The following WDR27 variants were observed in gnomAD, a reference collection of about 807,000 sequenced individuals.
The protein encoded by WDR27 is WD repeat-containing protein 27.
In WDR27, 100 loss-of-function variants were observed where a neutral mutation model predicts 114.4. The ratio of observed to expected loss-of-function variants is 0.87; its 90% confidence interval spans 0.74 to 1.03. The LOEUF is 1.03. Among genes scored for constraint, WDR27 ranks in the 50% least tolerant of loss-of-function variants. The pLI, the probability that WDR27 is intolerant of heterozygous loss-of-function variation, is 0.00. For synonymous variants in WDR27, 449 were observed against 423.1 expected (o/e 1.06, Z -0.75); for missense variants, 1,129 against 1,092.9 (o/e 1.03, Z -0.47).
intron 4 of WDR27, 68 bp downstream of exon 4, chr6:169,670,500 AG>A (rs1778424241): frequency 2.5e-6 from 4 of 1,583,848 alleles, no homozygotes; most frequent in Non-Finnish European, 2.6e-6. Flanking sequence ...CCGCTGGGCA[AG>A]GTCCCAGAAC....
intron 8 of WDR27, 133 bp downstream of exon 8, chr6:169,664,031 TTC>T (rs1827096014): frequency 2.4e-6 from 2 of 836,926 alleles, no homozygotes; most frequent in Admixed American, 3.3e-5. Context: ...CTCAGTGGTT[TTC>T]TGAGGTTGCA....
intron 17 of WDR27, among the ~76,000 whole-genome samples, chr6:169,641,817 C>G (rs1306863661): frequency 6.6e-6 from 1 of 152,256 alleles, no homozygotes; most frequent in African/African-American, 2.4e-5. Flanking sequence ...AACTTCACAA[C>G]GATCACCGCT....
At chr6:169,653,898 G>A (rs1584929918) in intron 13 of WDR27, among the ~76,000 whole-genome samples, 1 of 152,334 alleles carries the variant, frequency 6.6e-6, no homozygotes, top group South Asian at 2.1e-4. Flanking sequence ...AGCCTGTGCC[G>A]TGATGGTCTG....
intron 22 of WDR27, among the ~76,000 whole-genome samples, chr6:169,603,840 G>A (rs1381707682): frequency 6.6e-6 from 1 of 152,202 alleles, no homozygotes; most frequent in East Asian, 1.9e-4. Context: ...TACAGCACGT[G>A]GCACATTAAT....
chr6:169,689,275 A>G (rs1783846652), intron 1 of WDR27: 1 of 307,188 alleles, frequency 3.3e-6, no homozygotes, highest in Non-Finnish European at 6.0e-6. Flanking sequence ...CACTTCACAG[A>G]GCCTGCTTAG....
At chr6:169,439,061 A>T in the WDR27 span, among the ~76,000 whole-genome samples, 1 of 152,120 alleles carries the variant, frequency 6.6e-6, no homozygotes. Context: ...AGTACTTTTA[A>T]GCTTAAATTG....
intron 1 of WDR27, among the ~76,000 whole-genome samples, chr6:169,691,206 C>T (rs1027289882): frequency 3.3e-5 from 5 of 152,060 alleles, no homozygotes; most frequent in South Asian, 2.1e-4. Context: ...CAGAGCGAGA[C>T]TCTGTCTCAA....
chr6:169,651,918 G>A lies in WDR27; in HGVS notation c.1481+12C>T, dbSNP rs539456013. The A allele has an allele frequency of 6.3e-5, 102 of 1,610,334 alleles. 1 individual carries two copies. In the South Asian group the frequency reaches 9.5e-4, roughly 15 times the overall value. On this transcript the variant is annotated intron_variant, in intron 14 of 25. Transcript: ENST00000448612. ...GTGCATTTCTGTCTCTCATTGACAT[G>A]AGTTCACTCACTGTGGTGCTGACGC...
chr6:169,691,880 C>T (rs1466971899), intron 1 of WDR27, among the ~76,000 whole-genome samples: 1 of 152,108 alleles, frequency 6.6e-6, no homozygotes, highest in African/African-American at 2.4e-5. Context: ...TGTGCATCTC[C>T]CACTAGGATG....
At chr6:169,694,351 A>T (rs1785280189) in intron 1 of WDR27, among the ~76,000 whole-genome samples, 1 of 152,210 alleles carries the variant, frequency 6.6e-6, no homozygotes, top group South Asian at 2.1e-4. Flanking sequence ...ACGCACGCAC[A>T]CAGAAACATT....
intron 19 of WDR27, 72 bp downstream of exon 19, chr6:169,636,299 A>G: frequency 6.4e-7 from 1 of 1,552,400 alleles, no homozygotes; most frequent in Non-Finnish European, 8.7e-7. Context: ...AAATGTAAAT[A>G]CCTTTCAACA....
intron 1 of WDR27, among the ~76,000 whole-genome samples, chr6:169,697,421 G>A (rs75766443): frequency 0.1 from 15,931 of 152,068 alleles, 895 homozygotes; most frequent in African/African-American, 0.12. Flanking sequence ...TTAGCAGACC[G>A]GGAAAGGGAA....
intron 1 of WDR27, among the ~76,000 whole-genome samples, chr6:169,700,491 T>C (rs1480935631): frequency 6.6e-6 from 1 of 152,226 alleles, no homozygotes; most frequent in Non-Finnish European, 1.5e-5. Context: ...AGCCATGTAG[T>C]CGTTGAGTGC....
chr6:169,505,001 C>T (rs1417482544), intron 25 of WDR27, among the ~76,000 whole-genome samples: 1 of 152,182 alleles, frequency 6.6e-6, no homozygotes, highest in African/African-American at 2.4e-5. Context: ...CTTCATCTTG[C>T]ATACTTTGCC....
At chr6:169,619,002 C>A (rs903153873) in intron 21 of WDR27, among the ~76,000 whole-genome samples, 1 of 152,044 alleles carries the variant, frequency 6.6e-6, no homozygotes, top group African/African-American at 2.4e-5. Context: ...CCATAAAAAA[C>A]CTCAGAACTA....
chr6:169,527,094 C>A (rs75093046), intron 25 of WDR27, among the ~76,000 whole-genome samples: 2,486 of 152,210 alleles, frequency 0.016, 64 homozygotes, highest in African/African-American at 0.057. Context: ...GCAATTCTTC[C>A]AACAGTTAAA....
intron 17 of WDR27, among the ~76,000 whole-genome samples, chr6:169,642,399 T>C (rs1177565098): frequency 6.6e-6 from 1 of 150,652 alleles, no homozygotes; most frequent in Non-Finnish European, 1.5e-5. Context: ...TTTCCAACAA[T>C]AAAATACACA....
intron 13 of WDR27, among the ~76,000 whole-genome samples, chr6:169,654,577 AC>A (rs1823480497): frequency 6.6e-6 from 1 of 152,298 alleles, no homozygotes; most frequent in East Asian, 1.9e-4. Context: ...GGCTGGTGAG[AC>A]CCCACTCCCA....
At chr6:169,480,498 G>A (rs1331216009) in intron 25 of WDR27, among the ~76,000 whole-genome samples, 1 of 152,252 alleles carries the variant, frequency 6.6e-6, no homozygotes, top group Admixed American at 6.5e-5. Flanking sequence ...GAAGCCAGCT[G>A]GGCTCCTGAG....
Sources: allele counts gnomAD v4.1 joint callset (sites outside exome capture counted in the v4.1 genomes callset), GRCh38; gene constraint gnomAD v4.1.1; transcripts MANE v1.5; gene names NCBI Gene and HGNC (gene_info 2026-07-23, HGNC 2026-07-21).